The following PLEKHA7 variants were observed in gnomAD, a reference collection of about 807,000 sequenced individuals.
PLEKHA7 encodes the protein pleckstrin homology domain-containing family A member 7.
In PLEKHA7, 104 loss-of-function variants were observed where a neutral mutation model predicts 170.0. The ratio of observed to expected loss-of-function variants is 0.61; its 90% CI spans 0.52 to 0.72. The LOEUF (loss-of-function observed/expected upper bound fraction) is 0.72, where lower values mean the gene tolerates loss of function less well. Ranked by LOEUF, PLEKHA7 falls within the 30% of genes least tolerant of loss-of-function variation. The pLI, the probability that PLEKHA7 is intolerant of heterozygous loss-of-function variation, is 0.00. For synonymous variants in PLEKHA7, 648 were observed against 660.8 expected (o/e 0.98, Z 0.30); for missense variants, 1,615 against 1,671.7 (o/e 0.97, Z 0.59).
intron 26 of PLEKHA7, 112 bp from the exon 27 acceptor site, chr11:16,779,132 G>C (rs1277415622): frequency 1.5e-6 from 1 of 689,170 alleles, no homozygotes; most frequent in Admixed American, 2.0e-5. Flanking sequence ...AGAGCAGGGG[G>C]CTCTGGCAAT....
intron 3 of PLEKHA7, among the ~76,000 whole-genome samples, chr11:16,885,255 A>C (rs551266134): frequency 2.0e-5 from 3 of 152,020 alleles, no homozygotes; most frequent in African/African-American, 7.2e-5. Context: ...ACTTGAAATC[A>C]GGTGGCAGAG....
intron 3 of PLEKHA7, among the ~76,000 whole-genome samples, chr11:16,908,256 T>TAA (rs56085929): frequency 3.1e-4 from 32 of 104,530 alleles, no homozygotes; most frequent in East Asian, 8.6e-4. Context: ...GAATGATCAA[T>TAA]AAAAAAAAAA....
intron 3 of PLEKHA7, among the ~76,000 whole-genome samples, chr11:16,966,285 CATGTATGTGTGTGTGT>C (rs975425380): frequency 1.6e-5 from 2 of 125,644 alleles, no homozygotes; most frequent in African/African-American, 6.3e-5. Flanking sequence ...CATGGTTGTG[CATGTATGTGTGTGTGT>C]GTGTGTGTGT....
At position 16,840,349 on chromosome 11, in the gene PLEKHA7, T is replaced by C. The variant is rs938624576; in HGVS notation, c.872+1198A>G. The stretch of plus-strand genomic sequence containing the variant: ...ACCAAGGTGGGTGGATCACTTGAAG[T>C]CAGGAGTTCAAGACCAGCCTGGCCA... On this transcript the variant is annotated intron_variant, in intron 9 of 26. Coordinates refer to ENST00000531066, the MANE Select transcript of PLEKHA7 (RefSeq NM_001329630.2). 5.3e-5 allele frequency among the ~76,000 whole-genome samples: 8 copies of C among 152,014 alleles called. 1 individual carries two copies. Among genetic ancestry groups the C allele is most frequent in the Non-Finnish European group, 5.9e-5 (4 of 67,984 alleles).
chr11:16,886,399 A>T (rs1292153853), intron 3 of PLEKHA7, among the ~76,000 whole-genome samples: 1 of 152,226 alleles, frequency 6.6e-6, no homozygotes, highest in Non-Finnish European at 1.5e-5. Flanking sequence ...TCAGCTAGGT[A>T]TTCAAAAGAA....
At chr11:16,814,545 A>G (rs1849606933) in intron 12 of PLEKHA7, among the ~76,000 whole-genome samples, 2 of 152,174 alleles carry the variant, frequency 1.3e-5, no homozygotes, top group Admixed American at 6.5e-5. Context: ...GTCCTTGAGA[A>G]GCTTGCCTGC....
In PLEKHA7 at chr11:16,783,028, C is replaced by A. The variant is rs573879129; in HGVS notation, c.3651-132G>T. ...AGACAAAAACTGTGGTACTTTCTCC[C>A]TAGACAAAGGTACATGCTTTTCCCC... is the stretch of plus-strand genomic sequence containing the variant. On this transcript the variant is annotated intron_variant, in intron 25 of 26. Transcript: ENST00000531066. The A allele has an allele frequency of 3.8e-5, 39 of 1,015,008 alleles. No homozygotes were observed. In the South Asian group the frequency reaches 6.3e-4, roughly 16 times the overall value. The allele number at this position is 1,015,008 out of a possible 1,614,324, so 62.9% of individuals were successfully genotyped here. A position where few individuals can be genotyped will look rare whatever the true frequency, so the allele number is the denominator to read the frequency against.
chr11:16,783,649 G>A (rs1042611965), intron 25 of PLEKHA7, 51 bp downstream of exon 25: 10 of 1,340,198 alleles, frequency 7.5e-6, no homozygotes, highest in Non-Finnish European at 7.6e-6. Context: ...TGGTAGAGAC[G>A]CCACCTGGGG....
At position 16,826,321 on chromosome 11, in the gene PLEKHA7, G is replaced by A; in HGVS notation, c.1142C>T (p.Pro381Leu). 6.2e-7 allele frequency: 1 copy of A among 1,614,204 alleles called. No individual in the cohort carries two copies. Among genetic ancestry groups the A allele is most frequent in the Non-Finnish European group, 8.5e-7 (1 of 1,180,032 alleles). Residue 381 changes from proline to leucine, a missense_variant, in exon 10 of 27, where the codon CCA becomes CTA. Physicochemically the swap from Pro to Leu is moderately conservative, Grantham distance 98. Coordinates refer to ENST00000531066, the MANE Select transcript of PLEKHA7 (RefSeq NM_001329630.2). The part of the protein sequence containing the change: ...DALFMDLPTG[P>L]RGQQAQPQRA... ...TTGGGGCTGTGCCTGCTGGCCTCTT[G>A]GGCCAGTGGGTAAATCCATAAACAA...
intron 3 of PLEKHA7, among the ~76,000 whole-genome samples, chr11:16,929,555 T>C (rs1228527917): frequency 1.3e-5 from 2 of 152,222 alleles, no homozygotes; most frequent in African/African-American, 2.4e-5. Context: ...TAGATAAGAC[T>C]GGGCTCAGTA....
intron 17 of PLEKHA7, among the ~76,000 whole-genome samples, chr11:16,796,049 C>T (rs985048544): frequency 2.6e-5 from 4 of 151,686 alleles, no homozygotes; most frequent in Non-Finnish European, 5.9e-5. Context: ...AGTAGAGACG[C>T]GGTTTCACCA....
chr11:16,930,663 T>C (rs565719228), intron 3 of PLEKHA7, among the ~76,000 whole-genome samples: 1 of 152,014 alleles, frequency 6.6e-6, no homozygotes, highest in East Asian at 1.9e-4. Context: ...CCACCTAGAG[T>C]CTAATCAAGC....
chr11:16,840,257 T>C (rs1284554667), intron 9 of PLEKHA7, among the ~76,000 whole-genome samples: 1 of 152,174 alleles, frequency 6.6e-6, no homozygotes, highest in East Asian at 1.9e-4. Context: ...TGTCAGATGT[T>C]GTGCATTTAG....
At chr11:17,008,675 T>G (rs944018277) in intron 3 of PLEKHA7, among the ~76,000 whole-genome samples, 1 of 152,186 alleles carries the variant, frequency 6.6e-6, no homozygotes, top group African/African-American at 2.4e-5. Context: ...GGTGCCTAAG[T>G]CACAGAAGTG....
Position 16,836,324 on chromosome 11 carries a change from CTA to C in PLEKHA7, c.872+5221_872+5222del, listed in dbSNP as rs773144463. On this transcript the variant is annotated intron_variant, in intron 9 of 26. Transcript: ENST00000531066. ...GTCTGAGCCTTGAACCCCATTGCTT[CTA>C]AAGCCAGGTCTATCTTGAGCTTTTC... Among the ~76,000 whole-genome samples, 159 of 152,318 alleles carry C rather than the reference CTA, an allele frequency of 1.0e-3. 2 individuals are homozygous for C. The Middle Eastern group carries it at 0.024, about 23-fold the overall frequency.
chr11:16,959,160 G>A (rs1180214092), intron 3 of PLEKHA7, among the ~76,000 whole-genome samples: 1 of 152,116 alleles, frequency 6.6e-6, no homozygotes, highest in Non-Finnish European at 1.5e-5. Flanking sequence ...ACATGGGTTT[G>A]TCGTACAGAT....
intron 26 of PLEKHA7, chr11:16,781,021 G>A: frequency 3.0e-6 from 3 of 986,276 alleles, no homozygotes; most frequent in African/African-American, 1.7e-5. Context: ...AAGACAGGGG[G>A]CCTTTAGGCG....
At chr11:16,782,025 A>G (rs1307520653) in intron 26 of PLEKHA7, among the ~76,000 whole-genome samples, 1 of 152,058 alleles carries the variant, frequency 6.6e-6, no homozygotes, top group Non-Finnish European at 1.5e-5. Context: ...TGGAAGGAGG[A>G]GCCTGCGGTC....
Position 16,783,766 on chromosome 11 carries a change from C to A in PLEKHA7, c.3584G>T (p.Ser1195Ile). 1 of 1,515,632 alleles carries A rather than the reference C, an allele frequency of 6.6e-7. No individual in the cohort carries two copies. The highest frequency in any genetic ancestry group is 8.8e-7 in the Non-Finnish European group (1 of 1,137,206). The allele number at this position is 1,515,632 out of a possible 1,614,324, so 93.9% of individuals were successfully genotyped here. A position where few individuals can be genotyped will look rare whatever the true frequency, so the allele number is the denominator to read the frequency against. The change falls in exon 25 of 27, where the codon AGC (serine) becomes ATC (isoleucine). Residue 1195 changes from serine (S) to isoleucine (I), a missense_variant. By Grantham distance (142) the Ser-to-Ile change is moderately radical (BLOSUM62 -2). Coordinates refer to ENST00000531066, the MANE Select transcript of PLEKHA7 (RefSeq NM_001329630.2). ...GTACCGCGCCTGCAGCTCCTCAAGG[C>A]TGGGTGGCTCTTCGGGATCTAGCTC... ...YVELDPEEPP[S>I]LEELQARYRK... is the part of the protein sequence containing the mutation.
Sources: gnomAD v4.1 joint callset for allele counts (sites outside exome capture counted in the v4.1 genomes callset) on GRCh38, gnomAD v4.1.1 for gene constraint, MANE v1.5 for transcripts, NCBI Gene and HGNC (gene_info 2026-07-23, HGNC 2026-07-21) for gene names.